FGF23: variants seen among roughly 807,000 people sequenced by gnomAD.
FGF23 encodes fibroblast growth factor 23, also known as phosphatonin.
In FGF23, 8 loss-of-function variants were observed where a neutral mutation model predicts 9.0. The ratio of observed to expected loss-of-function variants is 0.89; its 90% CI spans 0.52 to 1.60. The LOEUF (loss-of-function observed/expected upper bound fraction) is 1.60. Among genes scored for constraint, FGF23 ranks in the 40% most tolerant of loss-of-function variants. FGF23 has a pLI of 0.00. For missense variants in FGF23, 311 were observed against 344.3 expected (o/e 0.90, Z 0.77); for synonymous variants, 118 against 146.2 (o/e 0.81, Z 1.39).
chr12:4,376,962 C>T (rs1238470097), intron 1 of FGF23, among the ~76,000 whole-genome samples: 1 of 152,108 alleles, frequency 6.6e-6, no homozygotes, highest in African/African-American at 2.4e-5. Context: ...TACCCTGACC[C>T]GAAGTTCCCC....
chr12:4,370,900 G>A, intron 2 of FGF23, 117 bp from the exon 3 acceptor site: 1 of 859,098 alleles, frequency 1.2e-6, no homozygotes, highest in South Asian at 1.3e-5. Context: ...AGTTCTTAGG[G>A]CGTTGAGCCT....
chr12:4,369,646 G>T lies in FGF23; in HGVS notation c.*697C>A, dbSNP rs1413107088. 4 of 229,624 alleles carry T rather than the reference G, an allele frequency of 1.7e-5. No individual in the cohort carries two copies. The highest frequency in any genetic ancestry group is 8.9e-5 in the African/African-American group (4 of 45,134). The allele number at this position is 229,624 out of a possible 1,614,324, so 14.2% of individuals were successfully genotyped here. On this transcript the variant is annotated 3_prime_UTR_variant, in exon 3 of 3. Transcript: ENST00000237837. The stretch of plus-strand genomic sequence containing the variant: ...ACAGAGGGAGACAGCGAGACAGAAG[G>T]TGCTCACCCTGTAGGGAGGCTGAGT...
rs1318692129 is a variant in FGF23 at position 4,379,516 on chromosome 12, T to C, written c.67A>G (p.Arg23Gly). ...LCSVCSMSVLRAYPNASPLLG... is the reference protein window; with the variant it reads ...LCSVCSMSVLGAYPNASPLLG... ...AGTGGGGAGGCATTGGGATAGGCTC[T>C]GAGGACGCTCATGCTGCAGACGCTG... is the stretch of plus-strand genomic sequence containing the variant. Residue 23 changes from arginine to glycine, a missense_variant, in exon 1 of 3, where the codon AGA becomes GGA. By Grantham distance (125) the Arg-to-Gly change is moderately radical (BLOSUM62 -2). Around this residue, in one of 3 missense-constraint regions of FGF23, gnomAD observed 102 missense variants for 108.2 expected, o/e 0.94. Transcript: ENST00000237837. 1 of 1,612,708 alleles carries C rather than the reference T, an allele frequency of 6.2e-7. No homozygotes were observed. The highest frequency in any genetic ancestry group is 1.3e-5 in the African/African-American group (1 of 74,938).
chr12:4,378,595 G>A (rs116202685), intron 1 of FGF23, among the ~76,000 whole-genome samples: 1 of 152,276 alleles, frequency 6.6e-6, no homozygotes, highest in African/African-American at 2.4e-5. Flanking sequence ...GTTGTCTCAT[G>A]TTGCCAATAA....
intron 1 of FGF23, among the ~76,000 whole-genome samples, chr12:4,375,141 G>A (rs1865103790): frequency 6.6e-6 from 1 of 152,204 alleles, no homozygotes; most frequent in Admixed American, 6.5e-5. Flanking sequence ...TGGCTGTCCT[G>A]CCTACTTCAT....
chr12:4,372,078 A>G (rs557668928), intron 2 of FGF23, among the ~76,000 whole-genome samples: 1 of 150,676 alleles, frequency 6.6e-6, no homozygotes, highest in Non-Finnish European at 1.5e-5. Flanking sequence ...TCGCAAGAAC[A>G]AAAAACCAAA....
intron 2 of FGF23, 38 bp from the exon 3 acceptor site, chr12:4,370,821 TG>T (rs2120730766): frequency 6.3e-7 from 1 of 1,596,262 alleles, no homozygotes; most frequent in Non-Finnish European, 8.6e-7. Flanking sequence ...AGGCTGGCAG[TG>T]GGGGCCCCAC....
chr12:4,368,935 G>C lies in FGF23; in HGVS notation c.*1408C>G, dbSNP rs1865031568. 8.9e-6 allele frequency: 2 copies of C among 223,814 alleles called. No individual in the cohort carries two copies. Among genetic ancestry groups the C allele is most frequent in the East Asian group, 1.3e-4 (2 of 15,394 alleles). 13.9% of individuals were successfully genotyped at this position (223,814 alleles called of 1,614,324 possible). A position where few individuals can be genotyped will look rare whatever the true frequency, so the allele number is the denominator to read the frequency against. The stretch of plus-strand genomic sequence containing the variant: ...AGTATAAGGTTAGTATGTGATGGCA[G>C]TGAGAAAAAAAAAAGTGACTGGGAA... On this transcript the variant is annotated 3_prime_UTR_variant, in exon 3 of 3. Coordinates refer to ENST00000237837, the MANE Select transcript of FGF23 (RefSeq NM_020638.3).
At position 4,370,208 on chromosome 12, in the gene FGF23, G is replaced by A. The variant is rs1056757189; in HGVS notation, c.*135C>T. ...GGTTCTCACAGGACCTCCTGTGGAA[G>A]GGACCCCAGAGAAGCAGCAAATTCC... On this transcript the variant is annotated 3_prime_UTR_variant, in exon 3 of 3. Transcript: ENST00000237837. The A allele has an allele frequency of 1.4e-5, 12 of 878,216 alleles. No homozygotes were observed. Among genetic ancestry groups the A allele is most frequent in the Non-Finnish European group, 2.2e-5 (12 of 548,266 alleles). The allele number at this position is 878,216 out of a possible 1,614,324, so 54.4% of individuals were successfully genotyped here.
At chr12:4,372,550 G>A in intron 2 of FGF23, 44 bp downstream of exon 2, 1 of 1,188,482 alleles carries the variant, frequency 8.4e-7, no homozygotes, top group Non-Finnish European at 1.3e-6. Flanking sequence ...AAGAAATTAG[G>A]TTAATTGTTT....
Position 4,370,258 on chromosome 12 carries a change from A to T in FGF23, c.*85T>A. 1 of 1,360,860 alleles carries T rather than the reference A, an allele frequency of 7.3e-7. No homozygotes were observed. Among genetic ancestry groups the T allele is most frequent in the Non-Finnish European group, 1.0e-6 (1 of 962,218 alleles). 84.3% of individuals were successfully genotyped at this position (1,360,860 alleles called of 1,614,324 possible). Reference sequence around the variant, plus strand: ...CATACATGCCCCTGTCACCTTTCCCATCCTCGGAACGTCAAGGGACCTGGT... The same window carrying T: ...CATACATGCCCCTGTCACCTTTCCCTTCCTCGGAACGTCAAGGGACCTGGT... On this transcript the variant is annotated 3_prime_UTR_variant, in exon 3 of 3. Coordinates refer to ENST00000237837, the MANE Select transcript of FGF23 (RefSeq NM_020638.3).
chr12:4,370,256 C>G lies in FGF23; in HGVS notation c.*87G>C. 2 of 1,342,274 alleles carry G rather than the reference C, an allele frequency of 1.5e-6. No individual in the cohort carries two copies. The highest frequency in any genetic ancestry group is 2.3e-5 in the East Asian group (1 of 43,254). 83.1% of individuals were successfully genotyped at this position (1,342,274 alleles called of 1,614,324 possible). On this transcript the variant is annotated 3_prime_UTR_variant, in exon 3 of 3. Coordinates refer to ENST00000237837, the MANE Select transcript of FGF23 (RefSeq NM_020638.3). ...TCCATACATGCCCCTGTCACCTTTC[C>G]CATCCTCGGAACGTCAAGGGACCTG...
At chr12:4,377,868 T>G (rs17782469) in intron 1 of FGF23, among the ~76,000 whole-genome samples, 5,377 of 152,270 alleles carry the variant, frequency 0.035, 354 homozygotes, top group East Asian at 0.25. Flanking sequence ...TGTCTTAGTT[T>G]TCAGCCACAG....
intron 2 of FGF23, among the ~76,000 whole-genome samples, chr12:4,370,989 G>C (rs144605343): frequency 3.9e-5 from 6 of 152,322 alleles, no homozygotes; most frequent in African/African-American, 1.2e-4. Context: ...CCCTTTCAGA[G>C]ACTACGACTA....
At chr12:4,376,481 G>A (rs948603509) in intron 1 of FGF23, among the ~76,000 whole-genome samples, 3 of 152,084 alleles carry the variant, frequency 2.0e-5, no homozygotes, top group African/African-American at 7.2e-5. Context: ...TTAATTAGTT[G>A]TGCTTCTTAT....
In FGF23 at chr12:4,370,799, C is replaced by A. The variant is rs757259536; in HGVS notation, c.316-16G>T. The A allele has an allele frequency of 4.3e-6, 7 of 1,612,696 alleles. No homozygotes were observed. The Admixed American group carries it at 5.0e-5, about 12-fold the overall frequency. ...CGAAATAGTGCTGGAAGGACAAGAGCGAACCACGTGAAGGCTGGCAGTGGG... is the reference window on the plus strand; with the variant it reads ...CGAAATAGTGCTGGAAGGACAAGAGAGAACCACGTGAAGGCTGGCAGTGGG... On this transcript the variant is annotated splice_polypyrimidine_tract_variant and intron_variant, in intron 2 of 2. Coordinates refer to ENST00000237837, the MANE Select transcript of FGF23 (RefSeq NM_020638.3).
intron 1 of FGF23, among the ~76,000 whole-genome samples, chr12:4,378,332 TCTAA>T (rs1164932667): frequency 3.3e-5 from 5 of 152,218 alleles, no homozygotes; most frequent in African/African-American, 9.7e-5. Context: ...TTAGAGATTG[TCTAA>T]CTAATTTTTC....
intron 2 of FGF23, among the ~76,000 whole-genome samples, chr12:4,371,807 GAAGACACC>G (rs1740980756): frequency 6.6e-6 from 1 of 152,168 alleles, no homozygotes. Flanking sequence ...CCAGAATCAA[GAAGACACC>G]AATGGCTTTT....
At chr12:4,377,473 C>G (rs1355561354) in intron 1 of FGF23, among the ~76,000 whole-genome samples, 2 of 135,462 alleles carry the variant, frequency 1.5e-5, no homozygotes, top group Admixed American at 1.6e-4. Flanking sequence ...CTCTGTCACC[C>G]AGGCTGGAGT....
Sources: gnomAD v4.1 joint callset for allele counts (sites outside exome capture counted in the v4.1 genomes callset) on GRCh38, gnomAD v4.1.1 for gene constraint, gnomAD v4.1.1 regional missense constraint, MANE v1.5 for transcripts, NCBI Gene and HGNC (gene_info 2026-07-23, HGNC 2026-07-21) for gene names.